The following CACNA1A variants were observed in gnomAD, a reference collection of about 807,000 sequenced individuals.
CACNA1A encodes voltage-dependent P/Q-type calcium channel subunit alpha-1A.
Under a neutral mutation model 262.4 loss-of-function variants are expected in CACNA1A, and 57 were observed. The observed-to-expected ratio is 0.22, with a 90% CI of 0.18 to 0.27. The LOEUF (loss-of-function observed/expected upper bound fraction) is 0.27, where lower values mean the gene tolerates loss of function less well. CACNA1A is among the 10% of genes least tolerant of loss of function. The pLI is 1.00. For synonymous variants in CACNA1A, 1,431 were observed against 1,419.3 expected (o/e 1.01, Z -0.18); for missense variants, 2,526 against 3,562.8 (o/e 0.71, Z 7.41).
chr19:13,255,340 T>C, intron 28 of CACNA1A, 81 bp from the exon 29 acceptor site: 1 of 1,345,778 alleles, frequency 7.4e-7, no homozygotes, highest in South Asian at 1.5e-5. Context: ...GTCTAACTCG[T>C]CGCGGTTCTC....
chr19:13,405,303 C>T (rs2059984225), intron 3 of CACNA1A, among the ~76,000 whole-genome samples: 1 of 152,120 alleles, frequency 6.6e-6, no homozygotes, highest in Non-Finnish European at 1.5e-5. Flanking sequence ...AGCAATCCTC[C>T]CACCTCAGCC....
intron 2 of CACNA1A, 34 bp from the exon 3 acceptor site, chr19:13,453,049 G>C: frequency 6.2e-7 from 1 of 1,612,852 alleles, no homozygotes; most frequent in Non-Finnish European, 8.5e-7. Context: ...CAGCGTCTTG[G>C]GCTGGGCAGA....
At chr19:13,467,071 G>A (rs2145011975) in intron 1 of CACNA1A, among the ~76,000 whole-genome samples, 1 of 152,138 alleles carries the variant, frequency 6.6e-6, no homozygotes, top group South Asian at 2.1e-4. Flanking sequence ...AGCTGGAGGA[G>A]GCAAGGGAAT....
intron 7 of CACNA1A, 150 bp downstream of exon 7, chr19:13,335,656 T>C (rs748663719): frequency 6.2e-6 from 4 of 646,554 alleles, no homozygotes; most frequent in Non-Finnish European, 1.1e-5. Flanking sequence ...CACCTGTGCA[T>C]GGCTTGCTAA....
chr19:13,224,730 C>T lies in CACNA1A; in HGVS notation c.5668G>A (p.Val1890Ile), dbSNP rs1218365896. Residue 1890 changes from valine (V) to isoleucine (I), a missense_variant, in exon 38 of 47, where the codon GTC (valine) becomes ATC (isoleucine). Coordinates refer to ENST00000360228, the MANE Select transcript of CACNA1A (RefSeq NM_001127222.2). ...GCCATGAGGGTGGAATTGAAGTGGA[C>T]GGTGTTGTCATCTGCGACGGGCAGG... is the stretch of plus-strand genomic sequence containing the variant. ...MDLPVADDNT[V>I]HFNSTLMALI... is the part of the protein sequence containing the mutation. The T allele has an allele frequency of 2.5e-6, 4 of 1,612,340 alleles. No individual in the cohort carries two copies. Among genetic ancestry groups the T allele is most frequent in the African/African-American group, 2.7e-5 (2 of 74,928 alleles).
At chr19:13,242,122 A>T (rs2056097291) in intron 31 of CACNA1A, among the ~76,000 whole-genome samples, 1 of 151,912 alleles carries the variant, frequency 6.6e-6, no homozygotes, top group African/African-American at 2.4e-5. Context: ...GGACCCAAAC[A>T]CCCACCCCCT....
intron 1 of CACNA1A, among the ~76,000 whole-genome samples, chr19:13,458,541 T>C (rs2061057514): frequency 6.6e-6 from 1 of 152,140 alleles, no homozygotes; most frequent in South Asian, 2.1e-4. Context: ...CCTCTGAGAA[T>C]CTGTTCTTCC....
chr19:13,237,856 A>G (rs2055928534), intron 31 of CACNA1A, among the ~76,000 whole-genome samples: 1 of 152,146 alleles, frequency 6.6e-6, no homozygotes, highest in South Asian at 2.1e-4. Context: ...GTTCAACCCC[A>G]GAGTACAAGC....
chr19:13,366,692 T>C (rs2059217893), intron 4 of CACNA1A, among the ~76,000 whole-genome samples: 1 of 152,216 alleles, frequency 6.6e-6, no homozygotes, highest in Non-Finnish European at 1.5e-5. Context: ...TTTGGAGCCA[T>C]ATTCCTGGGT....
Position 13,342,527 on chromosome 19 carries a change from T to A in CACNA1A, c.979-6618A>T, listed in dbSNP as rs79380182. On this transcript the variant is annotated intron_variant, in intron 6 of 46. Transcript: ENST00000360228. ...CAAAGACTTCCACTGCCTGGAACAC[T>A]GTTCCCCATTAATGCTGCCATCAAA... Among the ~76,000 whole-genome samples, 1,002 of 152,294 alleles carry A rather than the reference T, an allele frequency of 6.6e-3. 12 individuals carry two copies. Among genetic ancestry groups the A allele is most frequent in the Non-Finnish European group, 9.1e-3 (619 of 68,018 alleles).
intron 11 of CACNA1A, among the ~76,000 whole-genome samples, chr19:13,313,711 A>T (rs1339135792): frequency 6.6e-6 from 1 of 152,150 alleles, no homozygotes; most frequent in Non-Finnish European, 1.5e-5. Context: ...TATCACATTT[A>T]AAAAATAAAC....
intron 1 of CACNA1A, among the ~76,000 whole-genome samples, chr19:13,470,382 T>C (rs552913020): frequency 1.1e-4 from 16 of 152,202 alleles, no homozygotes; most frequent in Non-Finnish European, 2.2e-4. Context: ...GGGCCATTTT[T>C]CTGTGCCCAG....
chr19:13,438,923 G>A (rs2060661820), intron 3 of CACNA1A, among the ~76,000 whole-genome samples: 2 of 152,104 alleles, frequency 1.3e-5, no homozygotes, highest in South Asian at 4.2e-4. Context: ...ATTTTTAGCA[G>A]AGACGGGATT....
At chr19:13,497,090 A>G (rs544841812) in intron 1 of CACNA1A, among the ~76,000 whole-genome samples, 1 of 152,128 alleles carries the variant, frequency 6.6e-6, no homozygotes, top group East Asian at 1.9e-4. Context: ...CTCTACAACC[A>G]TATCAATTGC....
At chr19:13,340,231 C>A (rs1355422770) in intron 6 of CACNA1A, among the ~76,000 whole-genome samples, 1 of 152,014 alleles carries the variant, frequency 6.6e-6, no homozygotes, top group Non-Finnish European at 1.5e-5. Flanking sequence ...CCAACAAGAC[C>A]CGAATCTGCC....
At chr19:13,251,583 A>AT (rs1194223986) in intron 30 of CACNA1A, among the ~76,000 whole-genome samples, 3 of 152,314 alleles carry the variant, frequency 2.0e-5, no homozygotes, top group Admixed American at 2.0e-4. Flanking sequence ...TGCAAATTAA[A>AT]TGTTAAGGTA....
At chr19:13,489,023 T>G (rs1472106178) in intron 1 of CACNA1A, among the ~76,000 whole-genome samples, 1 of 133,940 alleles carries the variant, frequency 7.5e-6, no homozygotes, top group African/African-American at 3.0e-5. Flanking sequence ...TTTTTTTTTT[T>G]TTTTTTGAGA....
intron 4 of CACNA1A, among the ~76,000 whole-genome samples, chr19:13,367,077 C>T (rs541326982): frequency 6.8e-4 from 103 of 151,804 alleles, no homozygotes; most frequent in Non-Finnish European, 1.1e-3. Context: ...AGCGGATTAA[C>T]GAGGTCAGGA....
At chr19:13,472,479 T>C (rs1978287317) in intron 1 of CACNA1A, among the ~76,000 whole-genome samples, 1 of 152,158 alleles carries the variant, frequency 6.6e-6, no homozygotes, top group East Asian at 1.9e-4. Context: ...GTGTGACCTG[T>C]CTCTGCCAAC....
Sources: allele counts gnomAD v4.1 joint callset (sites outside exome capture counted in the v4.1 genomes callset), GRCh38; gene constraint gnomAD v4.1.1; transcripts MANE v1.5; gene names NCBI Gene and HGNC (gene_info 2026-07-23, HGNC 2026-07-21).